The following NSD1 variants were observed in gnomAD, a reference collection of about 807,000 sequenced individuals.
NSD1 encodes nuclear receptor binding SET domain protein 1, also known as histone-lysine N-methyltransferase, H3 lysine-36 specific.
In NSD1, 26 loss-of-function variants were observed where a neutral mutation model predicts 242.7. That is an observed-to-expected ratio of 0.11 (90% CI 0.08 to 0.15). The LOEUF (loss-of-function observed/expected upper bound fraction) is 0.15, where lower values mean the gene tolerates loss of function less well. NSD1 is among the 10% of genes least tolerant of loss of function. The probability of loss-of-function intolerance (pLI) is 1.00; values close to 1 mark genes in which losing one functional copy is unlikely to be tolerated. For missense variants in NSD1, 2,495 were observed against 3,272.8 expected, an observed-to-expected ratio of 0.76 and a Z score of 5.80; for synonymous variants, 1,106 against 1,178.1, an observed-to-expected ratio of 0.94 and a Z score of 1.25.
chr5:177,166,170 C>T (rs1759178531), intron 2 of NSD1, among the ~76,000 whole-genome samples: 1 of 151,882 alleles, frequency 6.6e-6, no homozygotes, highest in African/African-American at 2.4e-5. Flanking sequence ...ACCTTGGCCT[C>T]CCAAAGTGCC....
intron 5 of NSD1, among the ~76,000 whole-genome samples, chr5:177,235,137 A>G (rs1765343623): frequency 6.6e-6 from 1 of 152,236 alleles, no homozygotes; most frequent in Non-Finnish European, 1.5e-5. Flanking sequence ...ACATAAATTC[A>G]GAGACAGGAA....
intron 4 of NSD1, among the ~76,000 whole-genome samples, chr5:177,205,649 G>A (rs1762813477): frequency 6.6e-6 from 1 of 151,796 alleles, no homozygotes; most frequent in Non-Finnish European, 1.5e-5. Context: ...TTGCAAATCT[G>A]ATACTCTTTT....
chr5:177,299,419 A>G lies in NSD1; in HGVS notation c.*3960A>G, dbSNP rs1460891062. The G allele has an allele frequency of 4.3e-6, 1 of 233,142 alleles. No homozygotes were observed. Among genetic ancestry groups the G allele is most frequent in the African/African-American group, 2.2e-5 (1 of 45,350 alleles). The allele number at this position is 233,142 out of a possible 1,614,324, so 14.4% of individuals were successfully genotyped here. The stretch of plus-strand genomic sequence containing the variant: ...ATCCTATATCCAGGTGAAGGTGGCC[A>G]TTGAGTTTCTCAGGGCTGGGGCCAC... On this transcript the variant is annotated 3_prime_UTR_variant, in exon 23 of 23. Coordinates refer to ENST00000439151, the MANE Select transcript of NSD1 (RefSeq NM_022455.5).
chr5:177,159,030 G>GATATAT (rs35942745), intron 2 of NSD1, among the ~76,000 whole-genome samples: 26 of 113,854 alleles, frequency 2.3e-4, no homozygotes, highest in African/African-American at 1.1e-3. Flanking sequence ...ATATATGAAT[G>GATATAT]ATATATATAT....
chr5:177,219,314 TA>T (rs1240746651), intron 5 of NSD1, among the ~76,000 whole-genome samples: 1 of 151,814 alleles, frequency 6.6e-6, no homozygotes, highest in African/African-American at 2.4e-5. Context: ...GCCTCCCAAG[TA>T]GCTGGGATTA....
chr5:177,207,408 G>A (rs941260688), intron 4 of NSD1, among the ~76,000 whole-genome samples: 14 of 150,256 alleles, frequency 9.3e-5, no homozygotes, highest in African/African-American at 2.7e-4. Context: ...TCAGCCTCCC[G>A]AGTAGCTGGG....
chr5:177,256,430 G>C (rs992186865), intron 12 of NSD1, among the ~76,000 whole-genome samples: 50 of 152,058 alleles, frequency 3.3e-4, no homozygotes, highest in Middle Eastern at 3.4e-3. Flanking sequence ...CCACAGGCAT[G>C]CATCACCACG....
intron 3 of NSD1, among the ~76,000 whole-genome samples, chr5:177,200,555 C>T (rs1762436205): frequency 6.6e-6 from 1 of 152,184 alleles, no homozygotes; most frequent in South Asian, 2.1e-4. Context: ...ACTCTGTACC[C>T]ATTTACCAAC....
At chr5:177,212,330 A>G in intron 5 of NSD1, 135 bp downstream of exon 5, 1 of 870,406 alleles carries the variant, frequency 1.1e-6, no homozygotes, top group Middle Eastern at 2.8e-4. Flanking sequence ...TTCAATGAAG[A>G]AGGAGTTTTA....
intron 14 of NSD1, chr5:177,266,612 C>G (rs1007203591): frequency 1.6e-6 from 1 of 614,922 alleles, no homozygotes; most frequent in Non-Finnish European, 2.4e-6. Context: ...TACTCCTCTT[C>G]CGGCCGCCAA....
intron 16 of NSD1, among the ~76,000 whole-genome samples, chr5:177,271,211 A>T (rs1450602491): frequency 6.6e-6 from 1 of 152,170 alleles, no homozygotes; most frequent in Non-Finnish European, 1.5e-5. Context: ...GGTATTATTA[A>T]TATTGTGGCA....
intron 2 of NSD1, among the ~76,000 whole-genome samples, chr5:177,139,202 G>A (rs1056833704): frequency 3.3e-5 from 5 of 151,528 alleles, no homozygotes; most frequent in Non-Finnish European, 7.4e-5. Context: ...AGTGAGCTGA[G>A]ATCGCCCCAT....
intron 2 of NSD1, among the ~76,000 whole-genome samples, chr5:177,185,815 A>AAATT (rs1317760729): frequency 1.1e-5 from 1 of 92,706 alleles, no homozygotes; most frequent in Non-Finnish European, 1.9e-5. Context: ...ATAAATTTAT[A>AAATT]TATATAATAT....
chr5:177,238,347 T>G lies in NSD1; in HGVS notation c.4032T>G (p.Val1344=), dbSNP rs1765614335. ...TTTCAACCAAAGAAGAGCCTCCAGT[T>G]CTTGAAAGGGAGGCTCCGTTTTTGG... is the stretch of plus-strand genomic sequence containing the variant. ...SLISTKEEPP[V]LEREAPFLEG... The change falls in exon 7 of 23, where the codon GTT becomes GTG. Residue 1344 remains valine, a synonymous_variant. Coordinates refer to ENST00000439151, the MANE Select transcript of NSD1 (RefSeq NM_022455.5). This position sits in a 1 kb window ranked among gnomAD's most constrained non-coding sequence, Gnocchi z 4.6. 6.2e-7 allele frequency: 1 copy of G among 1,613,910 alleles called. No homozygotes were observed. Among genetic ancestry groups the G allele is most frequent in the Non-Finnish European group, 8.5e-7 (1 of 1,179,964 alleles).
chr5:177,172,243 T>C (rs1759773078), intron 2 of NSD1, among the ~76,000 whole-genome samples: 1 of 152,204 alleles, frequency 6.6e-6, no homozygotes, highest in African/African-American at 2.4e-5. Context: ...TGGTAGTTCA[T>C]GCCTATTATA....
At chr5:177,204,079 T>G in intron 3 of NSD1, 41 bp from the exon 4 acceptor site, 1 of 1,586,212 alleles carries the variant, frequency 6.3e-7, no homozygotes, top group Non-Finnish European at 8.7e-7. Flanking sequence ...GAGAAGTAAT[T>G]TCTTTGATCT....
chr5:177,190,895 C>T (rs1761621748), intron 2 of NSD1, among the ~76,000 whole-genome samples: 1 of 151,350 alleles, frequency 6.6e-6, no homozygotes, highest in Non-Finnish European at 1.5e-5. Context: ...TCTCGATTTC[C>T]TGACCTCGTG....
chr5:177,209,248 C>T (rs1763133993), intron 4 of NSD1, among the ~76,000 whole-genome samples: 1 of 151,752 alleles, frequency 6.6e-6, no homozygotes, highest in Non-Finnish European at 1.5e-5. Context: ...TGATTTCAGG[C>T]CGGGTGCGGT....
At chr5:177,233,455 G>T (rs1471303876) in intron 5 of NSD1, among the ~76,000 whole-genome samples, 2 of 151,534 alleles carry the variant, frequency 1.3e-5, no homozygotes, top group African/African-American at 4.9e-5. Context: ...TGCAACCTCT[G>T]CCTCCTGGGT....
Sources: allele counts gnomAD v4.1 joint callset (sites outside exome capture counted in the v4.1 genomes callset), GRCh38; gene constraint gnomAD v4.1.1; non-coding constraint Gnocchi (gnomAD v3.1); transcripts MANE v1.5; gene names NCBI Gene and HGNC (gene_info 2026-07-23, HGNC 2026-07-21).